NRAS: variants seen among roughly 807,000 people sequenced by gnomAD.
NRAS encodes the protein NRAS proto-oncogene, GTPase, also known as GTPase NRas.
NRAS carries 6 observed loss-of-function variants against 21.3 expected under a neutral mutation model. The ratio of observed to expected loss-of-function variants is 0.28; its 90% CI spans 0.15 to 0.56. The LOEUF is 0.56. Ranked by LOEUF, NRAS falls within the 20% of genes least tolerant of loss-of-function variation. The pLI is 0.93. For synonymous variants in NRAS, 84 were observed against 82.0 expected (o/e 1.02, Z -0.13); for missense variants, 143 against 231.3 (o/e 0.62, Z 2.48).
rs1658905614 is a variant in NRAS at position 114,706,046 on chromosome 1, GAGTAGCACTGCTCCAGA to G, written c.*2031_*2047del. The G allele has an allele frequency of 6.6e-6, 1 of 152,184 alleles. No homozygotes were observed. 9.4% of individuals were successfully genotyped at this position (152,184 alleles called of 1,614,324 possible). A position where few individuals can be genotyped will look rare whatever the true frequency, so the allele number is the denominator to read the frequency against. On this transcript the variant is annotated 3_prime_UTR_variant, in exon 7 of 7. Transcript: ENST00000369535. ...GGTGATAAGCCTCAGGAAAATTACA[GAGTAGCACTGCTCCAGA>G]AGGAGCAGAAACAGAAAAGCAGAAT...
Position 114,706,876 on chromosome 1 carries a change from GT to G in NRAS, c.*1217del, listed in dbSNP as rs1234677373. Reference sequence around the variant, plus strand: ...CTGAAATAATCAAGCCCCTATTGCTGTGGGGGAAGCTGTAGAGGGTGGGGTG... The same window carrying G: ...CTGAAATAATCAAGCCCCTATTGCTGGGGGGAAGCTGTAGAGGGTGGGGTG... On this transcript the variant is annotated 3_prime_UTR_variant, in exon 7 of 7. Transcript: ENST00000369535. The G allele has an allele frequency of 1.3e-5, 2 of 152,354 alleles. No homozygotes were observed. Among genetic ancestry groups the G allele is most frequent in the African/African-American group, 4.8e-5 (2 of 41,458 alleles). 9.4% of individuals were successfully genotyped at this position (152,354 alleles called of 1,614,324 possible). A position where few individuals can be genotyped will look rare whatever the true frequency, so the allele number is the denominator to read the frequency against.
At chr1:114,708,724 C>T in intron 4 of NRAS, 70 bp from the exon 5 acceptor site, 1 of 1,438,830 alleles carries the variant, frequency 7.0e-7, no homozygotes, top group Non-Finnish European at 9.8e-7. Flanking sequence ...TATAAGCTCT[C>T]TTGCATTTGT....
At chr1:114,711,552 G>A (rs1266400533) in intron 3 of NRAS, among the ~76,000 whole-genome samples, 2 of 148,994 alleles carry the variant, frequency 1.3e-5, no homozygotes, top group East Asian at 2.0e-4. Flanking sequence ...AGTGAGCCGC[G>A]ATCGCACCAC....
In NRAS at chr1:114,713,810, T is replaced by G. The variant is rs764718441; in HGVS notation, c.280A>C (p.Asn94His). Reference sequence around the variant, plus strand: ...TAATGCTCCTAGTACCTGTAGAGGTTAATATCCGCAAATGACTTGCTATTA... The same window carrying G: ...TAATGCTCCTAGTACCTGTAGAGGTGAATATCCGCAAATGACTTGCTATTA... ...INNSKSFADI[N>H]LYREQIKRVK... The change falls in exon 3 of 7, where the codon AAC (asparagine) becomes CAC (histidine). Residue 94 changes from asparagine (N) to histidine (H), a missense_variant. Coordinates refer to ENST00000369535, the MANE Select transcript of NRAS (RefSeq NM_002524.5). 6.2e-7 allele frequency: 1 copy of G among 1,613,566 alleles called. No homozygotes were observed. The highest frequency in any genetic ancestry group is 2.2e-5 in the East Asian group (1 of 44,888).
intron 3 of NRAS, among the ~76,000 whole-genome samples, chr1:114,711,557 C>T (rs752493083): frequency 2.3e-4 from 35 of 150,388 alleles, no homozygotes; most frequent in Non-Finnish European, 4.6e-4. Flanking sequence ...GCCGCGATCG[C>T]ACCACCGTAC....
chr1:114,709,378 T>C (rs1049627238), intron 4 of NRAS, among the ~76,000 whole-genome samples, 191 bp downstream of exon 4: 4 of 151,824 alleles, frequency 2.6e-5, no homozygotes, highest in Admixed American at 2.0e-4. Flanking sequence ...GAGGCTGCAG[T>C]GAGCTGAGAT....
intron 3 of NRAS, 67 bp downstream of exon 3, chr1:114,713,733 C>T: frequency 3.7e-6 from 5 of 1,364,310 alleles, no homozygotes; most frequent in Non-Finnish European, 5.3e-6. Context: ...AGTGTGGTAA[C>T]CTCATTTCCC....
At chr1:114,710,785 G>A (rs969201418) in intron 3 of NRAS, among the ~76,000 whole-genome samples, 4 of 152,192 alleles carry the variant, frequency 2.6e-5, no homozygotes, top group Non-Finnish European at 4.4e-5. Context: ...CTTCTAATGG[G>A]AGTGGATGGG....
chr1:114,705,598 C>T lies in NRAS; in HGVS notation c.*2496G>A, dbSNP rs1012541802. ...AGCTTTTAACTATAAGTTTGTCACT[C>T]CTTTGTGCCAAAATTCACACCTAGG... On this transcript the variant is annotated 3_prime_UTR_variant, in exon 7 of 7. Transcript: ENST00000369535. The T allele has an allele frequency of 6.6e-6, 1 of 152,160 alleles. No homozygotes were observed. The highest frequency in any genetic ancestry group is 1.5e-5 in the Non-Finnish European group (1 of 68,024). 9.4% of individuals were successfully genotyped at this position (152,160 alleles called of 1,614,324 possible).
chr1:114,708,686 G>C (rs1484962609), intron 4 of NRAS, 32 bp from the exon 5 acceptor site: 2 of 1,611,006 alleles, frequency 1.2e-6, no homozygotes, highest in African/African-American at 1.3e-5. Flanking sequence ...AAAAATGAGA[G>C]AGCTAGCTCA....
Position 114,705,803 on chromosome 1 carries a change from T to C in NRAS, c.*2291A>G, listed in dbSNP as rs1658898692. On this transcript the variant is annotated 3_prime_UTR_variant, in exon 7 of 7. Coordinates refer to ENST00000369535, the MANE Select transcript of NRAS (RefSeq NM_002524.5). The stretch of plus-strand genomic sequence containing the variant: ...CCCGGCTAATTGTAACTTCTTAAGG[T>C]ATTCAAAGAACATACTCAAGTCTGA... The C allele has an allele frequency of 6.6e-6, 1 of 152,202 alleles. No homozygotes were observed. Among genetic ancestry groups the C allele is most frequent in the South Asian group, 2.1e-4 (1 of 4,836 alleles). The allele number at this position is 152,202 out of a possible 1,614,324, so 9.4% of individuals were successfully genotyped here.
intron 2 of NRAS, among the ~76,000 whole-genome samples, chr1:114,714,950 G>A (rs979422600): frequency 6.6e-6 from 1 of 152,162 alleles, no homozygotes; most frequent in Non-Finnish European, 1.5e-5. Flanking sequence ...ATGGTAGGGA[G>A]GCCAGGTGTT....
At chr1:114,708,952 T>C (rs1658980244) in intron 4 of NRAS, among the ~76,000 whole-genome samples, 1 of 152,198 alleles carries the variant, frequency 6.6e-6, no homozygotes, top group Non-Finnish European at 1.5e-5. Flanking sequence ...AAAGACTCCA[T>C]TCAGGAGGCT....
chr1:114,707,347 T>A lies in NRAS; in HGVS notation c.*747A>T, dbSNP rs1005213843. On this transcript the variant is annotated 3_prime_UTR_variant, in exon 7 of 7. Coordinates refer to ENST00000369535, the MANE Select transcript of NRAS (RefSeq NM_002524.5). ...TAGCTTTCCTTCAATGGTAGATAAG[T>A]CACAGACGTATCTCAGACATTCATT... 2.0e-5 allele frequency: 3 copies of A among 152,636 alleles called. No homozygotes were observed. Among genetic ancestry groups the A allele is most frequent in the African/African-American group, 4.8e-5 (2 of 41,460 alleles). The allele number at this position is 152,636 out of a possible 1,614,324, so 9.5% of individuals were successfully genotyped here.
intron 4 of NRAS, among the ~76,000 whole-genome samples, chr1:114,709,339 G>A (rs1658988529): frequency 6.6e-6 from 1 of 152,030 alleles, no homozygotes; most frequent in South Asian, 2.1e-4. Context: ...GGAGGCTGAG[G>A]CAGGAGAATC....
chr1:114,713,056 A>G (rs1659079039), intron 3 of NRAS, among the ~76,000 whole-genome samples: 1 of 152,342 alleles, frequency 6.6e-6, no homozygotes, highest in South Asian at 2.1e-4. Flanking sequence ...ATATTGTACT[A>G]GAATTTTTAT....
chr1:114,708,230 A>G, intron 5 of NRAS, 38 bp from the exon 6 acceptor site: 1 of 369,056 alleles, frequency 2.7e-6, no homozygotes, highest in Admixed American at 4.3e-5. Flanking sequence ...CTTATTAACT[A>G]GTTTCAAAGT....
At chr1:114,709,443 TAAAA>T (rs1658991310) in intron 4 of NRAS, 122 bp downstream of exon 4, 7 of 822,868 alleles carry the variant, frequency 8.5e-6, no homozygotes, top group Non-Finnish European at 1.4e-5. Context: ...TAAAAAAAAA[TAAAA>T]AATAAAAAAA....
Position 114,706,180 on chromosome 1 carries a change from T to C in NRAS, c.*1914A>G, listed in dbSNP as rs967317719. 3 of 152,184 alleles carry C rather than the reference T, an allele frequency of 2.0e-5. No individual in the cohort carries two copies. Among genetic ancestry groups the C allele is most frequent in the Non-Finnish European group, 2.9e-5 (2 of 68,026 alleles). The allele number at this position is 152,184 out of a possible 1,614,324, so 9.4% of individuals were successfully genotyped here. A position where few individuals can be genotyped will look rare whatever the true frequency, so the allele number is the denominator to read the frequency against. ...CAGGTTCATTATACTCTGGACACAG[T>C]ATATGTTTCTTCTCTTCTGAATTTC... On this transcript the variant is annotated 3_prime_UTR_variant, in exon 7 of 7. Transcript: ENST00000369535.
Sources: gnomAD v4.1 joint callset for allele counts (sites outside exome capture counted in the v4.1 genomes callset) on GRCh38, gnomAD v4.1.1 for gene constraint, MANE v1.5 for transcripts, NCBI Gene and HGNC (gene_info 2026-07-23, HGNC 2026-07-21) for gene names.